CNTNAP2: variants seen among roughly 807,000 people sequenced by gnomAD.
The protein encoded by CNTNAP2 is contactin-associated protein-like 2.
Under a neutral mutation model 155.2 loss-of-function variants are expected in CNTNAP2, and 98 were observed. That is an observed-to-expected ratio of 0.63 (90% confidence interval 0.54 to 0.75). The LOEUF is 0.75. Among genes scored for constraint, CNTNAP2 ranks in the 30% least tolerant of loss-of-function variants. The probability of loss-of-function intolerance (pLI) is 0.00; values close to 1 mark genes in which losing one functional copy is unlikely to be tolerated. For synonymous variants in CNTNAP2, 651 were observed against 631.2 expected, an observed-to-expected ratio of 1.03 and a Z score of -0.47; for missense variants, 1,727 against 1,688.1, an observed-to-expected ratio of 1.02 and a Z score of -0.40.
chr7:148,213,515 T>G (rs1795583646), intron 18 of CNTNAP2, among the ~76,000 whole-genome samples: 1 of 152,084 alleles, frequency 6.6e-6, no homozygotes, highest in East Asian at 1.9e-4. Context: ...TGTCTTCTCT[T>G]GCACATCATC....
intron 22 of CNTNAP2, among the ~76,000 whole-genome samples, chr7:148,401,012 G>C (rs1038582976): frequency 9.9e-5 from 15 of 152,044 alleles, no homozygotes; most frequent in South Asian, 2.1e-4. Context: ...ATGCTGGATT[G>C]TTTAGGGAAC....
chr7:148,174,417 ACCG>A (rs113492142), intron 18 of CNTNAP2, among the ~76,000 whole-genome samples: 3,529 of 150,710 alleles, frequency 0.023, 116 homozygotes, highest in African/African-American at 0.076. Context: ...AGTTCCTGTG[ACCG>A]CCCCCCACCT....
At chr7:148,083,439 G>C (rs1027274641) in intron 15 of CNTNAP2, among the ~76,000 whole-genome samples, 3 of 152,154 alleles carry the variant, frequency 2.0e-5, no homozygotes, top group Non-Finnish European at 1.5e-5. Flanking sequence ...CACATTCCGA[G>C]GGTGGGAGTG....
intron 18 of CNTNAP2, among the ~76,000 whole-genome samples, chr7:148,179,053 G>C (rs973822292): frequency 1.3e-5 from 2 of 152,192 alleles, no homozygotes; most frequent in African/African-American, 4.8e-5. Flanking sequence ...GAAGTATGCA[G>C]AGATTCTGGA....
In CNTNAP2 at chr7:148,415,713, TA is replaced by T; in HGVS notation, c.*101del. 1 of 1,380,806 alleles carries T rather than the reference TA, an allele frequency of 7.2e-7. No homozygotes were observed. 85.5% of individuals were successfully genotyped at this position (1,380,806 alleles called of 1,614,324 possible). A position where few individuals can be genotyped will look rare whatever the true frequency, so the allele number is the denominator to read the frequency against. Reference sequence around the variant, plus strand: ...TGCTTCATACTCTTGAGCACATCCTTAAAATATCAGCACAAGTTGGGGGAGG... The same window carrying T: ...TGCTTCATACTCTTGAGCACATCCTTAAATATCAGCACAAGTTGGGGGAGG... On this transcript the variant is annotated 3_prime_UTR_variant, in exon 24 of 24. Coordinates refer to ENST00000361727, the MANE Select transcript of CNTNAP2 (RefSeq NM_014141.6).
At chr7:146,397,329 A>G (rs997053453) in intron 1 of CNTNAP2, among the ~76,000 whole-genome samples, 3 of 152,234 alleles carry the variant, frequency 2.0e-5, no homozygotes, top group Admixed American at 6.5e-5. Flanking sequence ...TGCTCATGAC[A>G]GCAATGATCC....
intron 11 of CNTNAP2, among the ~76,000 whole-genome samples, chr7:147,553,308 G>A (rs1485009992): frequency 6.6e-6 from 1 of 152,162 alleles, no homozygotes; most frequent in Non-Finnish European, 1.5e-5. Context: ...GGTAAATGGA[G>A]AAAACCATTA....
chr7:146,781,182 C>A (rs557219294), intron 2 of CNTNAP2, among the ~76,000 whole-genome samples: 4 of 149,732 alleles, frequency 2.7e-5, no homozygotes, highest in Admixed American at 6.7e-5. Context: ...GAGCCCAGAT[C>A]GCGCCACTAC....
chr7:147,188,398 T>C lies in CNTNAP2; in HGVS notation c.1348+55889T>C, dbSNP rs76017029. Among the ~76,000 whole-genome samples, 670 of 152,300 alleles carry C rather than the reference T, an allele frequency of 4.4e-3. 8 individuals are homozygous for C. Among genetic ancestry groups the C allele is most frequent in the African/African-American group, 0.015 (627 of 41,560 alleles). Reference sequence around the variant, plus strand: ...TTACAAGGTACTTCACATACACGCATGATATTTTGTGGCAGGTAATAGTAA... The same window carrying C: ...TTACAAGGTACTTCACATACACGCACGATATTTTGTGGCAGGTAATAGTAA... On this transcript the variant is annotated intron_variant, in intron 8 of 23. Coordinates refer to ENST00000361727, the MANE Select transcript of CNTNAP2 (RefSeq NM_014141.6).
Position 147,905,123 on chromosome 7 carries a change from A to G in CNTNAP2, c.2255+1402A>G, listed in dbSNP as rs370566950. The stretch of plus-strand genomic sequence containing the variant: ...GATAAAATACCAAATGCAAAGAACA[A>G]GAATCCCTGTCCTGACTCACATTCT... On this transcript the variant is annotated intron_variant, in intron 14 of 23. Transcript: ENST00000361727. 7.2e-5 allele frequency among the ~76,000 whole-genome samples: 11 copies of G among 152,374 alleles called. No individual in the cohort carries two copies. The South Asian group carries it at 1.9e-3, about 26-fold the overall frequency.
chr7:147,652,584 T>C (rs1795464262), intron 13 of CNTNAP2, among the ~76,000 whole-genome samples: 2 of 152,260 alleles, frequency 1.3e-5, no homozygotes, highest in Middle Eastern at 3.4e-3. Flanking sequence ...TGAGGAAACA[T>C]AACTTTAGAA....
intron 9 of CNTNAP2, among the ~76,000 whole-genome samples, chr7:147,309,730 C>A (rs1795088837): frequency 6.6e-6 from 1 of 151,976 alleles, no homozygotes; most frequent in African/African-American, 2.4e-5. Context: ...TTAAAAAACA[C>A]TTTTTTTAAC....
At chr7:146,644,365 G>A (rs1277817018) in intron 1 of CNTNAP2, among the ~76,000 whole-genome samples, 1 of 152,094 alleles carries the variant, frequency 6.6e-6, no homozygotes, top group African/African-American at 2.4e-5. Flanking sequence ...TTAGCATGAA[G>A]GGTTGTTGAA....
intron 18 of CNTNAP2, among the ~76,000 whole-genome samples, chr7:148,184,157 G>A (rs1382518096): frequency 6.6e-6 from 1 of 151,980 alleles, no homozygotes; most frequent in Non-Finnish European, 1.5e-5. Context: ...TGTAAACCAG[G>A]CACGGTGGCT....
chr7:146,148,556 T>C (rs1584772843), intron 1 of CNTNAP2, among the ~76,000 whole-genome samples: 1 of 152,118 alleles, frequency 6.6e-6, no homozygotes, highest in Non-Finnish European at 1.5e-5. Context: ...TTCCTACTGA[T>C]AAAGACGTGC....
intron 13 of CNTNAP2, among the ~76,000 whole-genome samples, chr7:147,647,663 C>T (rs965308346): frequency 2.0e-5 from 3 of 152,134 alleles, no homozygotes; most frequent in Non-Finnish European, 2.9e-5. Context: ...ATCTTAGTAT[C>T]TTCCATCATG....
In CNTNAP2 at chr7:148,062,759, A is replaced by G. The variant is rs528061361; in HGVS notation, c.2384-55359A>G. Among the ~76,000 whole-genome samples the G allele has an allele frequency of 3.3e-5, 5 of 152,294 alleles. No homozygotes were observed. The South Asian group carries it at 1.0e-3, about 32-fold the overall frequency. On this transcript the variant is annotated intron_variant, in intron 15 of 23. Transcript: ENST00000361727. ...TAAGTAAAAAATGAGTTAAGGCTAG[A>G]AACTCATAGCTAAATTCAAATAAAG...
intron 9 of CNTNAP2, chr7:147,378,093 T>G (rs1796469470): frequency 2.2e-6 from 1 of 461,300 alleles, no homozygotes; most frequent in Non-Finnish European, 4.4e-6. Flanking sequence ...CCACTATTAC[T>G]TTTGCACCAA....
chr7:147,147,060 CT>C (rs1477825220), intron 8 of CNTNAP2, among the ~76,000 whole-genome samples: 3 of 152,106 alleles, frequency 2.0e-5, no homozygotes, highest in Non-Finnish European at 4.4e-5. Flanking sequence ...ACTCACAGTT[CT>C]ACATGACTGG....
Sources: gnomAD v4.1 joint callset for allele counts (sites outside exome capture counted in the v4.1 genomes callset) on GRCh38, gnomAD v4.1.1 for gene constraint, MANE v1.5 for transcripts, NCBI Gene and HGNC (gene_info 2026-07-23, HGNC 2026-07-21) for gene names.